Variants in PRKAB2 observed in about 807,000 individuals in gnomAD.
The protein encoded by PRKAB2 is protein kinase AMP-activated non-catalytic subunit beta 2.
In PRKAB2, 18 loss-of-function variants were observed where a neutral mutation model predicts 29.8. The ratio of observed to expected loss-of-function variants is 0.60; its 90% CI spans 0.42 to 0.89. The LOEUF (loss-of-function observed/expected upper bound fraction) is 0.89. Ranked by LOEUF, PRKAB2 falls within the 40% of genes least tolerant of loss-of-function variation. The probability of loss-of-function intolerance (pLI) is 0.00; values close to 1 mark genes in which losing one functional copy is unlikely to be tolerated. For missense variants in PRKAB2, 270 were observed against 344.3 expected (o/e 0.78, Z 1.71); for synonymous variants, 136 against 125.9 (o/e 1.08, Z -0.54).
At chr1:147,169,921 T>A (rs587643342) in intron 2 of PRKAB2, among the ~76,000 whole-genome samples, 3 of 152,344 alleles carry the variant, frequency 2.0e-5, no homozygotes, top group South Asian at 4.1e-4. Flanking sequence ...CTGCCACTGT[T>A]TCTGTCAGTT....
intron 5 of PRKAB2, among the ~76,000 whole-genome samples, chr1:147,163,706 G>A (rs1228166420): frequency 6.6e-6 from 1 of 152,108 alleles, no homozygotes; most frequent in African/African-American, 2.4e-5. Flanking sequence ...AATGGGATGT[G>A]ACTGCTAATG....
chr1:147,167,107 T>A (rs1392363350), intron 3 of PRKAB2, among the ~76,000 whole-genome samples, 168 bp from the exon 4 acceptor site: 1 of 152,220 alleles, frequency 6.6e-6, no homozygotes, highest in Admixed American at 6.5e-5. Context: ...TTCTGTATCA[T>A]CTTGGACATG....
intron 3 of PRKAB2, among the ~76,000 whole-genome samples, chr1:147,167,381 T>C (rs76327000): frequency 0.019 from 2,822 of 152,330 alleles, 35 homozygotes; most frequent in Non-Finnish European, 0.027. Flanking sequence ...TCACTCATTA[T>C]TGCTTTGGAA....
At chr1:147,159,758 G>T in intron 7 of PRKAB2, 116 bp from the exon 8 acceptor site, 1 of 888,832 alleles carries the variant, frequency 1.1e-6, no homozygotes, top group East Asian at 2.6e-5. Flanking sequence ...TGATATAAGA[G>T]CAGGAGGTCA....
intron 7 of PRKAB2, chr1:147,160,887 A>C (rs1653918418): frequency 6.6e-6 from 1 of 152,124 alleles, no homozygotes; most frequent in South Asian, 2.1e-4. Flanking sequence ...ATTAAATTCA[A>C]TAATATATTT....
At chr1:147,170,984 C>T (rs1654516960) in intron 2 of PRKAB2, among the ~76,000 whole-genome samples, 1 of 152,224 alleles carries the variant, frequency 6.6e-6, no homozygotes, top group South Asian at 2.1e-4. Context: ...TCTAAAGCCC[C>T]AGTTCCCTGG....
intron 2 of PRKAB2, among the ~76,000 whole-genome samples, chr1:147,170,810 G>A (rs1199954451): frequency 3.9e-5 from 6 of 152,194 alleles, no homozygotes; most frequent in African/African-American, 1.4e-4. Context: ...TCGAACACCT[G>A]ACCTCAAATG....
intron 7 of PRKAB2, among the ~76,000 whole-genome samples, chr1:147,161,444 CAGTT>C (rs202047470): frequency 0.012 from 1,860 of 152,156 alleles, 17 homozygotes; most frequent in Middle Eastern, 0.048. Flanking sequence ...CTTAAGTAAA[CAGTT>C]AGTGTAAAGA....
intron 6 of PRKAB2, among the ~76,000 whole-genome samples, chr1:147,162,145 T>C (rs1261914747): frequency 1.3e-5 from 2 of 152,172 alleles, no homozygotes; most frequent in African/African-American, 4.8e-5. Flanking sequence ...AAAGCTTTCA[T>C]AGTTCTTTTG....
At position 147,166,634 on chromosome 1, in the gene PRKAB2, G is replaced by C; in HGVS notation, c.418-16C>G. The C allele has an allele frequency of 6.2e-7, 1 of 1,605,530 alleles. No homozygotes were observed. The highest frequency in any genetic ancestry group is 8.5e-7 in the Non-Finnish European group (1 of 1,177,374). ...TAACCACAGGCTGAAACAGTGAATAGAAAAAATTATTGAATCTCTCTTTCA... is the reference window on the plus strand; with the variant it reads ...TAACCACAGGCTGAAACAGTGAATACAAAAAATTATTGAATCTCTCTTTCA... On this transcript the variant is annotated splice_polypyrimidine_tract_variant and intron_variant, in intron 4 of 7. Transcript: ENST00000254101.
At chr1:147,159,865 C>G (rs372667680) in intron 7 of PRKAB2, among the ~76,000 whole-genome samples, 24 of 152,198 alleles carry the variant, frequency 1.6e-4, no homozygotes, top group African/African-American at 5.5e-4. Flanking sequence ...CTCATCATTA[C>G]AAAAGATAAC....
In PRKAB2 at chr1:147,159,398, T is replaced by C. The variant is rs587722449; in HGVS notation, c.*167A>G. On this transcript the variant is annotated 3_prime_UTR_variant, in exon 8 of 8. Coordinates refer to ENST00000254101, the MANE Select transcript of PRKAB2 (RefSeq NM_005399.5). The stretch of plus-strand genomic sequence containing the variant: ...AATAAATTCCGTGAACTCATAAAGC[T>C]CTCATCTGCAATCAAATGCAAAAGC... 3.8e-4 allele frequency: 219 copies of C among 572,426 alleles called. 1 individual carries two copies. The South Asian group carries it at 5.1e-3, about 13-fold the overall frequency. 35.5% of individuals were successfully genotyped at this position (572,426 alleles called of 1,614,324 possible). A position where few individuals can be genotyped will look rare whatever the true frequency, so the allele number is the denominator to read the frequency against.
In PRKAB2 at chr1:147,172,082, G is replaced by C. The variant is rs781992865; in HGVS notation, c.63C>G (p.Ser21=). ...CCGGGGCATGGCCGCCTGCGCCCTC[G>C]GAGCGTGCAGCCTTGGCGCCGTGGC... is the stretch of plus-strand genomic sequence containing the variant. The part of the protein sequence containing the change: ...GERHGAKAAR[S]EGAGGHAPGK... The change falls in exon 2 of 8, where the codon TCC becomes TCG. Residue 21 remains serine, a synonymous_variant. Coordinates refer to ENST00000254101, the MANE Select transcript of PRKAB2 (RefSeq NM_005399.5). 3.2e-6 allele frequency: 5 copies of C among 1,567,972 alleles called. No homozygotes were observed. The highest frequency in any genetic ancestry group is 1.2e-5 in the South Asian group (1 of 85,092).
At position 147,163,718 on chromosome 1, in the gene PRKAB2, G is replaced by C. The variant is rs901159116; in HGVS notation, c.539-1145C>G. Among the ~76,000 whole-genome samples the C allele has an allele frequency of 5.3e-5, 8 of 152,228 alleles. No homozygotes were observed. In the South Asian group the frequency reaches 1.5e-3, roughly 28 times the overall value. On this transcript the variant is annotated intron_variant, in intron 5 of 7. Transcript: ENST00000254101. ...GGGAATGGGATGTGACTGCTAATGG[G>C]TACAGGGTTTATTCTGCGGGTGATA...
chr1:147,171,205 A>G (rs1654543557), intron 2 of PRKAB2, among the ~76,000 whole-genome samples: 1 of 152,214 alleles, frequency 6.6e-6, no homozygotes, highest in Non-Finnish European at 1.5e-5. Flanking sequence ...CTCTTCCTGA[A>G]AGTCCTTGGA....
intron 2 of PRKAB2, among the ~76,000 whole-genome samples, chr1:147,170,426 G>C (rs1176919827): frequency 6.6e-6 from 1 of 152,018 alleles, no homozygotes; most frequent in Non-Finnish European, 1.5e-5. Context: ...ATAGGAAAAG[G>C]GTAAAAATAT....
At chr1:147,163,910 T>C in intron 5 of PRKAB2, among the ~76,000 whole-genome samples, 1 of 151,902 alleles carries the variant, frequency 6.6e-6, no homozygotes, top group East Asian at 1.9e-4. Flanking sequence ...TGAAGAGAAA[T>C]ATATTATAAT....
chr1:147,158,112 C>T lies in PRKAB2; in HGVS notation c.*1453G>A, dbSNP rs79417474. 2.6e-5 allele frequency: 4 copies of T among 151,990 alleles called. No individual in the cohort carries two copies. The highest frequency in any genetic ancestry group is 4.4e-5 in the Non-Finnish European group (3 of 67,986). 9.4% of individuals were successfully genotyped at this position (151,990 alleles called of 1,614,324 possible). A position where few individuals can be genotyped will look rare whatever the true frequency, so the allele number is the denominator to read the frequency against. The stretch of plus-strand genomic sequence containing the variant: ...TAGTGTTGATTATTTGACTTATCTG[C>T]AAAATGGAAGAGCCCCAGCTACTTG... On this transcript the variant is annotated 3_prime_UTR_variant, in exon 8 of 8. Transcript: ENST00000254101.
At position 147,155,188 on chromosome 1, in the gene PRKAB2, GGT is replaced by G. The variant is rs1653614303; in HGVS notation, c.*4375_*4376del. The G allele has an allele frequency of 6.6e-6, 1 of 152,414 alleles. No homozygotes were observed. Among genetic ancestry groups the G allele is most frequent in the Non-Finnish European group, 1.5e-5 (1 of 67,980 alleles). The allele number at this position is 152,414 out of a possible 1,614,324, so 9.4% of individuals were successfully genotyped here. The stretch of plus-strand genomic sequence containing the variant: ...TATGTATCATATCATATAATTTCCA[GGT>G]GTGTCAGAGTCCAGTGACAAATTAC... On this transcript the variant is annotated 3_prime_UTR_variant, in exon 8 of 8. Coordinates refer to ENST00000254101, the MANE Select transcript of PRKAB2 (RefSeq NM_005399.5).
Sources: gnomAD v4.1 joint callset for allele counts (sites outside exome capture counted in the v4.1 genomes callset) on GRCh38, gnomAD v4.1.1 for gene constraint, MANE v1.5 for transcripts, NCBI Gene and HGNC (gene_info 2026-07-23, HGNC 2026-07-21) for gene names.